Variants in SIRPG observed in about 807,000 individuals in gnomAD.
SIRPG encodes the protein signal-regulatory protein gamma.
In SIRPG, 38 loss-of-function variants were observed where a neutral mutation model predicts 35.7. The observed-to-expected ratio is 1.06, with a 90% CI of 0.82 to 1.40. The LOEUF is 1.40. Among genes scored for constraint, SIRPG ranks in the 40% most tolerant of loss-of-function variants. SIRPG has a pLI of 0.00. For missense variants in SIRPG, 519 were observed against 483.0 expected (o/e 1.07, Z -0.70); for synonymous variants, 215 against 190.4 (o/e 1.13, Z -1.06).
intron 3 of SIRPG, 123 bp from the exon 4 acceptor site, chr20:1,635,722 G>T: frequency 1.9e-6 from 2 of 1,039,930 alleles, no homozygotes; most frequent in Non-Finnish European, 2.8e-6. Context: ...GCAGGCAGCA[G>T]ATGCTAAGAC....
the SIRPG span, among the ~76,000 whole-genome samples, chr20:1,686,168 A>G: frequency 6.6e-6 from 1 of 152,206 alleles, no homozygotes; most frequent in African/African-American, 2.4e-5. Context: ...CTGCAGATCC[A>G]CAGAGAAAGT....
chr20:1,668,754 A>G, the SIRPG span, among the ~76,000 whole-genome samples: 1 of 152,306 alleles, frequency 6.6e-6, no homozygotes, highest in Non-Finnish European at 1.5e-5. Context: ...AACAATATTG[A>G]TCTTGTAGAA....
rs373199508 is a variant in SIRPG at position 1,635,348 on chromosome 20, C to A, written c.1000G>T (p.Asp334Tyr). 2.5e-6 allele frequency: 4 copies of A among 1,614,088 alleles called. No homozygotes were observed. In the African/African-American group the frequency reaches 5.3e-5, roughly 22 times the overall value. Reference protein sequence around the residue: ...DVVLTCQVKHDGQLAVSKRLA... With the variant: ...DVVLTCQVKHYGQLAVSKRLA... ...CGTTTGCTGACCGCCAGCTGCCCATCATGCTTCACCTGGCAGGTGAGGACC... is the reference window on the plus strand; with the variant it reads ...CGTTTGCTGACCGCCAGCTGCCCATAATGCTTCACCTGGCAGGTGAGGACC... The change falls in exon 4 of 6, where the codon GAT becomes TAT. Residue 334 changes from aspartate to tyrosine, a missense_variant. Coordinates refer to ENST00000303415, the MANE Select transcript of SIRPG (RefSeq NM_018556.4).
Position 1,653,378 on chromosome 20 carries a change from A to T in SIRPG, c.74-3970T>A, listed in dbSNP as rs143261278. On this transcript the variant is annotated intron_variant, in intron 1 of 5. Transcript: ENST00000303415. ...GTAAAAGAGGTAAGGCATTTTCAAC[A>T]GTGTCTGCCACATGGTGAACGTTCA... Among the ~76,000 whole-genome samples, 8 of 152,348 alleles carry T rather than the reference A, an allele frequency of 5.3e-5. No homozygotes were observed. The East Asian group carries it at 1.3e-3, about 26-fold the overall frequency.
At chr20:1,656,318 C>T (rs1471102675) in intron 1 of SIRPG, among the ~76,000 whole-genome samples, 1 of 152,194 alleles carries the variant, frequency 6.6e-6, no homozygotes, top group African/African-American at 2.4e-5. Context: ...CTGCCTCACT[C>T]CCCATTTGCA....
At chr20:1,660,259 A>G (rs1051103439), upstream of SIRPG, among the ~76,000 whole-genome samples, 5 of 152,224 alleles carry the variant, frequency 3.3e-5, no homozygotes, top group African/African-American at 1.2e-4. Context: ...CTAGCTGACT[A>G]TACATAAATA....
the SIRPG span, among the ~76,000 whole-genome samples, chr20:1,668,693 A>G: frequency 6.6e-6 from 1 of 152,212 alleles, no homozygotes; most frequent in African/African-American, 2.4e-5. Context: ...TGTAAAATAT[A>G]CCCAATTTAG....
At chr20:1,677,355 C>A in the SIRPG span, among the ~76,000 whole-genome samples, 2 of 152,068 alleles carry the variant, frequency 1.3e-5, no homozygotes, top group Non-Finnish European at 2.9e-5. Flanking sequence ...TGCTTTAGAC[C>A]ATTGAGTCAT....
intron 3 of SIRPG, 49 bp downstream of exon 3, chr20:1,636,139 G>C: frequency 1.2e-6 from 2 of 1,611,492 alleles, no homozygotes; most frequent in Non-Finnish European, 8.5e-7. Flanking sequence ...AGAGGGGAGT[G>C]GGCTTGACAG....
At chr20:1,656,966 G>A (rs189772087) in intron 1 of SIRPG, among the ~76,000 whole-genome samples, 35 of 152,190 alleles carry the variant, frequency 2.3e-4, no homozygotes, top group African/African-American at 6.5e-4. Context: ...ATCCAATAAC[G>A]GAGCACTAGG....
chr20:1,635,708 C>A, intron 3 of SIRPG, 109 bp from the exon 4 acceptor site: 1 of 1,168,702 alleles, frequency 8.6e-7, no homozygotes, highest in Admixed American at 2.5e-5. Context: ...CAGGACAGTG[C>A]TAGGCAGGCA....
At chr20:1,643,445 T>C (rs1391942360) in intron 2 of SIRPG, among the ~76,000 whole-genome samples, 1 of 152,174 alleles carries the variant, frequency 6.6e-6, no homozygotes, top group African/African-American at 2.4e-5. Flanking sequence ...CTCTATAAAC[T>C]GGTTTTTCTG....
the SIRPG span, among the ~76,000 whole-genome samples, chr20:1,683,364 A>G: frequency 1.3e-5 from 2 of 152,214 alleles, no homozygotes; most frequent in Middle Eastern, 3.2e-3. Context: ...TAAAAATAGA[A>G]CTATCATTAG....
the SIRPG span, among the ~76,000 whole-genome samples, chr20:1,683,078 A>G: frequency 1.3e-5 from 2 of 152,222 alleles, no homozygotes; most frequent in Non-Finnish European, 2.9e-5. Flanking sequence ...CAATTAATAT[A>G]TGGGCCAAAG....
the SIRPG span, among the ~76,000 whole-genome samples, chr20:1,678,061 T>G: frequency 1.1e-4 from 17 of 151,560 alleles, no homozygotes; most frequent in East Asian, 2.9e-3. Flanking sequence ...ACAATTTTTT[T>G]AAAAAACAGC....
intron 2 of SIRPG, among the ~76,000 whole-genome samples, chr20:1,640,005 G>A (rs904195895): frequency 2.6e-5 from 4 of 152,184 alleles, no homozygotes; most frequent in East Asian, 1.9e-4. Context: ...CAAGTACCAT[G>A]CTGTTTTGGT....
At chr20:1,632,057 A>G (rs929554752) in intron 4 of SIRPG, among the ~76,000 whole-genome samples, 1 of 152,108 alleles carries the variant, frequency 6.6e-6, no homozygotes, top group Non-Finnish European at 1.5e-5. Flanking sequence ...AGGAGGATGA[A>G]TCTCAGCTTC....
intron 2 of SIRPG, among the ~76,000 whole-genome samples, chr20:1,643,492 G>A (rs1222658904): frequency 6.6e-6 from 1 of 152,018 alleles, no homozygotes; most frequent in African/African-American, 2.4e-5. Flanking sequence ...AAGATTCTTA[G>A]CTTCTTTGCG....
Position 1,630,227 on chromosome 20 carries a change from G to T in SIRPG, c.1161C>A (p.Thr387=), listed in dbSNP as rs376099297. 1.3e-6 allele frequency: 2 copies of T among 1,564,120 alleles called. No homozygotes were observed. The highest frequency in any genetic ancestry group is 1.9e-5 in the Admixed American group (1 of 53,096). Residue 387 remains threonine, a synonymous_variant, in exon 5 of 6, where the codon ACC becomes ACA. Transcript: ENST00000303415. ...GPIYVPWKQK[T] ...CCTCCCTTCCTTGTACTTACAGTCA[G>T]GTCTTCTGCTTCCAGGGGACGTAGA...
Sources: allele counts gnomAD v4.1 joint callset (sites outside exome capture counted in the v4.1 genomes callset), GRCh38; gene constraint gnomAD v4.1.1; transcripts MANE v1.5; gene names NCBI Gene and HGNC (gene_info 2026-07-23, HGNC 2026-07-21).